Variants in FBXO25 observed in about 807,000 individuals in gnomAD.
FBXO25 encodes the protein F-box only protein 25.
Under a neutral mutation model 51.9 loss-of-function variants are expected in FBXO25, and 45 were observed. The observed-to-expected ratio is 0.87, with a 90% CI of 0.68 to 1.11. The LOEUF is 1.11. Among genes scored for constraint, FBXO25 ranks in the 50% most tolerant of loss-of-function variants. The pLI, the probability that FBXO25 is intolerant of heterozygous loss-of-function variation, is 0.00. For synonymous variants in FBXO25, 199 were observed against 151.0 expected, an observed-to-expected ratio of 1.32 and a Z score of -2.33; for missense variants, 507 against 428.5, an observed-to-expected ratio of 1.18 and a Z score of -1.62.
At position 431,346 on chromosome 8, in the gene FBXO25, TA is replaced by T; in HGVS notation, c.143del (p.Asn48IlefsTer63). ...AGAATGTGTCTTTATTTCAGTATCTTAAATAGTGAAGATGGAGAAATATTCA... is the reference window on the plus strand; with the variant it reads ...AGAATGTGTCTTTATTTCAGTATCTTAATAGTGAAGATGGAGAAATATTCA... ...NRCNISHSII[L>X]NSEDGEIFNN... On this transcript the variant is annotated frameshift_variant, in exon 3 of 10. Coordinates refer to ENST00000350302, the MANE Select transcript of FBXO25 (RefSeq NM_183420.2). LOFTEE classifies it high-confidence loss of function. 1.4e-6 allele frequency: 2 copies of T among 1,460,202 alleles called. No homozygotes were observed. Among genetic ancestry groups the T allele is most frequent in the Non-Finnish European group, 1.9e-6 (2 of 1,071,370 alleles). 90.5% of individuals were successfully genotyped at this position (1,460,202 alleles called of 1,614,324 possible). A position where few individuals can be genotyped will look rare whatever the true frequency, so the allele number is the denominator to read the frequency against.
chr8:424,749 G>A (rs538041025), intron 2 of FBXO25, among the ~76,000 whole-genome samples: 1 of 152,162 alleles, frequency 6.6e-6, no homozygotes, highest in African/African-American at 2.4e-5. Context: ...TACAGAAGCT[G>A]TTTTGGTTAC....
At chr8:435,748 G>C in intron 5 of FBXO25, 41 bp downstream of exon 5, 4 of 1,559,386 alleles carry the variant, frequency 2.6e-6, no homozygotes, top group Middle Eastern at 2.4e-4. Context: ...TGACTCTTTT[G>C]AACAACTATA....
chr8:472,338 A>T lies in FBXO25; in HGVS notation c.*3534A>T, dbSNP rs1303679565. 1.3e-5 allele frequency: 2 copies of T among 152,206 alleles called. No individual in the cohort carries two copies. The highest frequency in any genetic ancestry group is 2.4e-5 in the African/African-American group (1 of 41,450). The allele number at this position is 152,206 out of a possible 1,614,324, so 9.4% of individuals were successfully genotyped here. A position where few individuals can be genotyped will look rare whatever the true frequency, so the allele number is the denominator to read the frequency against. ...TGTAGTTTTTGGCCTTCATAAGATC[A>T]TGTGCTGTTATTACATTGACTGATT... is the stretch of plus-strand genomic sequence containing the variant. On this transcript the variant is annotated 3_prime_UTR_variant, in exon 10 of 10. Transcript: ENST00000350302.
At chr8:457,855 C>G (rs1799551683) in intron 7 of FBXO25, among the ~76,000 whole-genome samples, 1 of 152,256 alleles carries the variant, frequency 6.6e-6, no homozygotes, top group African/African-American at 2.4e-5. Context: ...CTAGAAGGAG[C>G]TTTGCAGACG....
chr8:443,164 G>A (rs529623093), intron 5 of FBXO25, among the ~76,000 whole-genome samples: 56 of 151,202 alleles, frequency 3.7e-4, no homozygotes, highest in African/African-American at 4.6e-4. Context: ...GATTGCTGAC[G>A]ACGGTGGATA....
intron 8 of FBXO25, among the ~76,000 whole-genome samples, chr8:459,297 G>C (rs1261097985): frequency 6.6e-6 from 1 of 152,222 alleles, no homozygotes; most frequent in Non-Finnish European, 1.5e-5. Context: ...GGATGGGACT[G>C]GGTGCCTTTC....
At chr8:436,029 C>T (rs1458090810) in intron 5 of FBXO25, among the ~76,000 whole-genome samples, 9 of 152,214 alleles carry the variant, frequency 5.9e-5, no homozygotes, top group African/African-American at 1.9e-4. Flanking sequence ...AGTGATAGAA[C>T]GGTCGTGGGA....
intron 7 of FBXO25, among the ~76,000 whole-genome samples, chr8:456,601 C>T (rs972444539): frequency 5.3e-5 from 8 of 152,032 alleles, no homozygotes; most frequent in Admixed American, 1.3e-4. Context: ...GCTGTAGGAG[C>T]AAAAAACGTG....
chr8:446,782 T>C (rs1425739714), intron 5 of FBXO25, among the ~76,000 whole-genome samples: 2 of 152,204 alleles, frequency 1.3e-5, no homozygotes, highest in Admixed American at 6.5e-5. Flanking sequence ...TATGTAAATA[T>C]GTTAGAAATC....
At chr8:407,792 T>G (rs1264272517) in intron 1 of FBXO25, among the ~76,000 whole-genome samples, 1 of 152,120 alleles carries the variant, frequency 6.6e-6, no homozygotes, top group Non-Finnish European at 1.5e-5. Context: ...TCTCCTCCCT[T>G]AATTTCTTTC....
In FBXO25 at chr8:463,154, C is replaced by T. The variant is rs768676833; in HGVS notation, c.987+4C>T. 1.9e-6 allele frequency: 3 copies of T among 1,608,742 alleles called. No homozygotes were observed. Among genetic ancestry groups the T allele is most frequent in the African/African-American group, 2.7e-5 (2 of 74,662 alleles). On this transcript the variant is annotated splice_donor_region_variant and intron_variant, in intron 9 of 9. Coordinates refer to ENST00000350302, the MANE Select transcript of FBXO25 (RefSeq NM_183420.2). ...CTGCAGCATTCTCTTTTGGAAGGTA[C>T]TGATTTAAATGCACTCTTGGAATTT...
intron 5 of FBXO25, among the ~76,000 whole-genome samples, chr8:442,109 T>G: frequency 6.6e-6 from 1 of 152,152 alleles, no homozygotes; most frequent in East Asian, 1.9e-4. Flanking sequence ...CTGGTGAGTG[T>G]TGTTTTAAGC....
At chr8:463,262 G>A in intron 9 of FBXO25, 112 bp downstream of exon 9, 1 of 1,179,888 alleles carries the variant, frequency 8.5e-7, no homozygotes, top group Non-Finnish European at 1.2e-6. Context: ...TTTGTTATAA[G>A]TAAGTTAAGG....
chr8:467,791 G>A lies in FBXO25; in HGVS notation c.988-924G>A, dbSNP rs958142123. The A allele has an allele frequency of 5.6e-6, 9 of 1,611,152 alleles. No homozygotes were observed. In the East Asian group the frequency reaches 8.9e-5, roughly 16 times the overall value. On this transcript the variant is annotated intron_variant, in intron 9 of 9. Coordinates refer to ENST00000350302, the MANE Select transcript of FBXO25 (RefSeq NM_183420.2). The stretch of plus-strand genomic sequence containing the variant: ...CACATCCTGTGTTCGGGATGAAAAC[G>A]TTGCATCGTGCTGCATCTCATGCAC...
chr8:444,676 C>T (rs1563083518), intron 5 of FBXO25, among the ~76,000 whole-genome samples: 1 of 152,124 alleles, frequency 6.6e-6, no homozygotes, highest in Non-Finnish European at 1.5e-5. Context: ...TCATGCACTA[C>T]ATAACGATGT....
chr8:411,218 C>T (rs866920208), intron 1 of FBXO25, among the ~76,000 whole-genome samples: 1 of 152,122 alleles, frequency 6.6e-6, no homozygotes, highest in Non-Finnish European at 1.5e-5. Flanking sequence ...ATTCAGCTAC[C>T]TTTCTGTAGC....
intron 7 of FBXO25, among the ~76,000 whole-genome samples, chr8:454,453 C>T (rs974360178): frequency 1.3e-5 from 2 of 152,138 alleles, no homozygotes; most frequent in African/African-American, 2.4e-5. Flanking sequence ...GATCAGCAGG[C>T]GTAGCCTTTA....
intron 9 of FBXO25, chr8:468,139 TGTC>T: frequency 1.9e-6 from 2 of 1,037,852 alleles, no homozygotes; most frequent in Non-Finnish European, 2.3e-6. Flanking sequence ...TTAATTTTTC[TGTC>T]GTCACTTCTC....
rs999705283 is a variant in FBXO25, at chr8:474,117, C to T, written c.*5313C>T. 1.3e-5 allele frequency: 2 copies of T among 154,080 alleles called. No individual in the cohort carries two copies. Among genetic ancestry groups the T allele is most frequent in the Non-Finnish European group, 2.9e-5 (2 of 69,580 alleles). The allele number at this position is 154,080 out of a possible 1,614,324, so 9.5% of individuals were successfully genotyped here. A position where few individuals can be genotyped will look rare whatever the true frequency, so the allele number is the denominator to read the frequency against. The stretch of plus-strand genomic sequence containing the variant: ...CCCATTAAGCACCAACTCCCTATTC[C>T]CCATCCACCAGCCCCTGGCAGCCTC... On this transcript the variant is annotated 3_prime_UTR_variant, in exon 10 of 10. Coordinates refer to ENST00000350302, the MANE Select transcript of FBXO25 (RefSeq NM_183420.2).
Sources: gnomAD v4.1 joint callset for allele counts (sites outside exome capture counted in the v4.1 genomes callset) on GRCh38, gnomAD v4.1.1 for gene constraint, MANE v1.5 for transcripts, NCBI Gene and HGNC (gene_info 2026-07-23, HGNC 2026-07-21) for gene names.